Variants in DAB1 observed in about 807,000 individuals in gnomAD.
DAB1 encodes disabled homolog 1.
A neutral mutation model predicts 64.6 loss-of-function variants in DAB1; 15 were observed. That is an observed-to-expected ratio of 0.23 (90% CI 0.16 to 0.36). DAB1 has a LOEUF of 0.36. Among genes scored for constraint, DAB1 ranks in the 10% least tolerant of loss-of-function variants. The pLI is 1.00. For synonymous variants in DAB1, 235 were observed against 251.9 expected, an observed-to-expected ratio of 0.93 and a Z score of 0.64; for missense variants, 596 against 706.7, an observed-to-expected ratio of 0.84 and a Z score of 1.78.
intron 4 of DAB1, among the ~76,000 whole-genome samples, chr1:58,159,104 C>A (rs74586086): frequency 1.2e-4 from 19 of 152,192 alleles, no homozygotes; most frequent in African/African-American, 4.3e-4. Flanking sequence ...GGAACCCAAA[C>A]TGAACAAGAA....
At chr1:57,854,216 T>G (rs1653656677) in intron 1 of DAB1, among the ~76,000 whole-genome samples, 1 of 152,210 alleles carries the variant, frequency 6.6e-6, no homozygotes, top group Non-Finnish European at 1.5e-5. Flanking sequence ...TAATTACACT[T>G]TCTTGACTTT....
intron 4 of DAB1, among the ~76,000 whole-genome samples, chr1:58,321,140 C>T (rs1374380001): frequency 6.6e-6 from 1 of 152,188 alleles, no homozygotes; most frequent in Non-Finnish European, 1.5e-5. Context: ...TTCTCAGAGC[C>T]TCCATTAACT....
intron 6 of DAB1, among the ~76,000 whole-genome samples, chr1:57,819,575 G>C (rs1251858533): frequency 6.6e-6 from 1 of 152,198 alleles, no homozygotes; most frequent in Admixed American, 6.5e-5. Context: ...AGTTAAGAGA[G>C]AGCTTTCTTT....
At chr1:57,997,227 T>C (rs1158066684) in intron 5 of DAB1, among the ~76,000 whole-genome samples, 1 of 152,158 alleles carries the variant, frequency 6.6e-6, no homozygotes, top group African/African-American at 2.4e-5. Context: ...AACACTCGAC[T>C]GGTAAGGGAA....
At chr1:57,045,836 C>T (rs902586950) in intron 9 of DAB1, among the ~76,000 whole-genome samples, 2 of 152,128 alleles carry the variant, frequency 1.3e-5, no homozygotes, top group Non-Finnish European at 2.9e-5. Flanking sequence ...AGAAACATAA[C>T]GATATGCTGA....
chr1:57,347,481 A>C (rs572349154), intron 1 of DAB1, among the ~76,000 whole-genome samples: 5 of 152,320 alleles, frequency 3.3e-5, no homozygotes, highest in African/African-American at 1.2e-4. Flanking sequence ...TGCTGCACAA[A>C]TGTATGAGAT....
intron 3 of DAB1, among the ~76,000 whole-genome samples, chr1:58,388,746 C>T (rs958828638): frequency 1.3e-5 from 2 of 152,194 alleles, no homozygotes; most frequent in African/African-American, 4.8e-5. Flanking sequence ...AGAAGTGTTA[C>T]AGTGCATTCT....
At chr1:58,519,449 A>AG (rs1557450841) in intron 2 of DAB1, among the ~76,000 whole-genome samples, 1 of 152,200 alleles carries the variant, frequency 6.6e-6, no homozygotes, top group Non-Finnish European at 1.5e-5. Flanking sequence ...AAAGAGCTAG[A>AG]TCGCTGTCCT....
chr1:58,229,546 G>A (rs1047898077), intron 4 of DAB1, among the ~76,000 whole-genome samples: 5 of 152,046 alleles, frequency 3.3e-5, no homozygotes, highest in Admixed American at 6.6e-5. Context: ...GGGGGTGATG[G>A]GAATACAGGG....
intron 1 of DAB1, among the ~76,000 whole-genome samples, chr1:58,544,238 A>C (rs764866910): frequency 1.1e-4 from 17 of 152,196 alleles, no homozygotes; most frequent in Non-Finnish European, 4.4e-5. Context: ...CAGATTTTGT[A>C]TTTTTGACCT....
At chr1:57,759,663 G>A (rs572779790) in intron 6 of DAB1, among the ~76,000 whole-genome samples, 60 of 152,214 alleles carry the variant, frequency 3.9e-4, no homozygotes, top group Admixed American at 9.2e-4. Context: ...TTCAGCAGAG[G>A]AATTAAATGA....
intron 4 of DAB1, among the ~76,000 whole-genome samples, chr1:58,247,018 G>A (rs1264160288): frequency 6.6e-6 from 1 of 152,058 alleles, no homozygotes. Flanking sequence ...TATGCCTTGG[G>A]CAATAGGGAG....
At chr1:57,019,207 G>T (rs1016392468) in intron 11 of DAB1, among the ~76,000 whole-genome samples, 1 of 152,154 alleles carries the variant, frequency 6.6e-6, no homozygotes, top group African/African-American at 2.4e-5. Flanking sequence ...GGTTTGGGAC[G>T]GGAGAAAGGC....
At chr1:58,345,897 C>T (rs1643991117) in intron 3 of DAB1, among the ~76,000 whole-genome samples, 1 of 152,182 alleles carries the variant, frequency 6.6e-6, no homozygotes, top group African/African-American at 2.4e-5. Context: ...GCCTCCCTCC[C>T]CGTCCTGGGT....
At chr1:57,895,079 T>TAA (rs79448436) in intron 5 of DAB1, among the ~76,000 whole-genome samples, 2 of 141,242 alleles carry the variant, frequency 1.4e-5, no homozygotes, top group Non-Finnish European at 1.6e-5. Flanking sequence ...CTTTGAAAGC[T>TAA]AAAAAAAAAA....
intron 1 of DAB1, among the ~76,000 whole-genome samples, chr1:58,543,255 T>G (rs1056365255): frequency 6.6e-6 from 1 of 152,248 alleles, no homozygotes; most frequent in African/African-American, 2.4e-5. Context: ...TATACATTTG[T>G]TTTTGTAAAT....
intron 4 of DAB1, among the ~76,000 whole-genome samples, chr1:58,159,569 T>C (rs1338608716): frequency 2.0e-5 from 3 of 152,194 alleles, no homozygotes; most frequent in Non-Finnish European, 4.4e-5. Flanking sequence ...CTCCACGCTG[T>C]ACACTCAACA....
chr1:57,692,118 A>T (rs1331370918), intron 6 of DAB1, among the ~76,000 whole-genome samples: 1 of 152,066 alleles, frequency 6.6e-6, no homozygotes, highest in East Asian at 1.9e-4. Context: ...GGCCACAAGC[A>T]GAAGTCTCAA....
rs1194272200 is a variant in DAB1 at position 57,653,191 on chromosome 1, A to T, written n.552-3526T>A. 2.6e-5 allele frequency among the ~76,000 whole-genome samples: 4 copies of T among 152,060 alleles called. No individual in the cohort carries two copies. The East Asian group carries it at 7.7e-4, about 29-fold the overall frequency. On this transcript the variant is annotated intron_variant and non_coding_transcript_variant, in intron 6 of 20. Transcript: ENST00000485760. ...TATAAAACATTGTAGAAATAAGCAA[A>T]CCCTCCCATGAATTTCTTCCCAATT... is the stretch of plus-strand genomic sequence containing the variant.
Sources: gnomAD v4.1 joint callset for allele counts (sites outside exome capture counted in the v4.1 genomes callset) on GRCh38, gnomAD v4.1.1 for gene constraint, MANE v1.5 for transcripts, NCBI Gene and HGNC (gene_info 2026-07-23, HGNC 2026-07-21) for gene names.